BMPER: variants seen among roughly 807,000 people sequenced by gnomAD.
The protein encoded by BMPER is BMP-binding endothelial regulator protein.
Under a neutral mutation model 87.3 loss-of-function variants are expected in BMPER, and 45 were observed. That is an observed-to-expected ratio of 0.52 (90% CI 0.41 to 0.66). The LOEUF is 0.66. Among genes scored for constraint, BMPER ranks in the 30% least tolerant of loss-of-function variants. The probability of loss-of-function intolerance (pLI) is 0.00; values close to 1 mark genes in which losing one functional copy is unlikely to be tolerated. For missense variants in BMPER, 784 were observed against 867.5 expected, an observed-to-expected ratio of 0.90 and a Z score of 1.21; for synonymous variants, 326 against 316.2, an observed-to-expected ratio of 1.03 and a Z score of -0.33.
chr7:34,049,369 T>C (rs1788081676), intron 7 of BMPER, among the ~76,000 whole-genome samples: 1 of 152,178 alleles, frequency 6.6e-6, no homozygotes, highest in Admixed American at 6.5e-5. Context: ...TTTAAGCGAT[T>C]GGTCACATTT....
At chr7:34,139,599 G>T (rs4141792) in intron 13 of BMPER, among the ~76,000 whole-genome samples, 115,092 of 151,558 alleles carry the variant, frequency 0.76, 44,119 homozygotes, top group East Asian at 0.91. Flanking sequence ...AAATTAAGGA[G>T]AACCGCAATC....
At chr7:34,072,024 C>T (rs1256744703) in intron 11 of BMPER, among the ~76,000 whole-genome samples, 1 of 152,140 alleles carries the variant, frequency 6.6e-6, no homozygotes, top group Non-Finnish European at 1.5e-5. Flanking sequence ...GGCCTTGAAG[C>T]CACAGTGTCT....
At chr7:34,104,381 T>A (rs1255334216) in intron 13 of BMPER, among the ~76,000 whole-genome samples, 1 of 152,154 alleles carries the variant, frequency 6.6e-6, no homozygotes, top group Admixed American at 6.5e-5. Flanking sequence ...CACCCCAGCA[T>A]ACGCTGGAGG....
At position 34,053,690 on chromosome 7, in the gene BMPER, A is replaced by G. The variant is rs186012266; in HGVS notation, c.787-1473A>G. ...TTAATAAGTGGAAGTTGATTATCAT[A>G]AAGCTCTTCATCTTCTTTACATTGA... is the stretch of plus-strand genomic sequence containing the variant. On this transcript the variant is annotated intron_variant, in intron 8 of 14. Transcript: ENST00000649409. 1.2e-4 allele frequency among the ~76,000 whole-genome samples: 19 copies of G among 152,376 alleles called. No homozygotes were observed. The East Asian group carries it at 3.7e-3, about 29-fold the overall frequency.
chr7:33,926,257 G>A (rs1784358920), intron 2 of BMPER, among the ~76,000 whole-genome samples: 2 of 152,200 alleles, frequency 1.3e-5, no homozygotes, highest in Non-Finnish European at 2.9e-5. Flanking sequence ...TTAACCTGCA[G>A]AAAAACCCAA....
At chr7:33,933,246 G>T (rs991906156) in intron 2 of BMPER, among the ~76,000 whole-genome samples, 1 of 152,086 alleles carries the variant, frequency 6.6e-6, no homozygotes, top group Admixed American at 6.6e-5. Context: ...TGCCTCCAGA[G>T]GCTACATTTT....
intron 2 of BMPER, among the ~76,000 whole-genome samples, chr7:33,929,881 G>A (rs1041527327): frequency 6.6e-6 from 1 of 152,222 alleles, no homozygotes; most frequent in Non-Finnish European, 1.5e-5. Context: ...TAATAGTTCA[G>A]CAACCTGCCT....
chr7:34,009,346 A>G (rs886622464), intron 6 of BMPER, among the ~76,000 whole-genome samples: 5 of 151,952 alleles, frequency 3.3e-5, no homozygotes, highest in African/African-American at 4.8e-5. Context: ...AGGGGCCACA[A>G]GATTAAATAA....
intron 11 of BMPER, among the ~76,000 whole-genome samples, chr7:34,077,394 G>A (rs1788893151): frequency 6.6e-6 from 1 of 152,150 alleles, no homozygotes; most frequent in South Asian, 2.1e-4. Context: ...GAAAGGAACA[G>A]AAAGGGAGGG....
chr7:34,085,689 T>C (rs1161815012), intron 12 of BMPER, 67 bp from the exon 13 acceptor site: 1 of 1,386,310 alleles, frequency 7.2e-7, no homozygotes, highest in East Asian at 2.4e-5. Context: ...TGTAAGGATG[T>C]ATACATTTGG....
At chr7:33,947,621 G>A (rs966695281) in intron 3 of BMPER, among the ~76,000 whole-genome samples, 6 of 152,112 alleles carry the variant, frequency 3.9e-5, no homozygotes, top group African/African-American at 1.2e-4. Context: ...CCAAAATGAG[G>A]TCAACTGCCC....
intron 14 of BMPER, among the ~76,000 whole-genome samples, chr7:34,144,134 A>T (rs960043588): frequency 3.9e-5 from 6 of 152,286 alleles, no homozygotes; most frequent in Admixed American, 3.9e-4. Flanking sequence ...TACAGATGAT[A>T]TTTCAGCCTA....
chr7:34,099,459 A>C (rs1450938171), intron 13 of BMPER, among the ~76,000 whole-genome samples: 1 of 152,184 alleles, frequency 6.6e-6, no homozygotes, highest in Non-Finnish European at 1.5e-5. Context: ...TTTTCAACAA[A>C]ATTTTCTGTT....
chr7:34,123,503 C>T (rs1790314893), intron 13 of BMPER, among the ~76,000 whole-genome samples: 1 of 152,206 alleles, frequency 6.6e-6, no homozygotes, highest in Non-Finnish European at 1.5e-5. Context: ...ATCTTCTAAG[C>T]TGTGGCCTGG....
At chr7:34,040,689 A>G (rs949649114) in intron 6 of BMPER, among the ~76,000 whole-genome samples, 6 of 152,194 alleles carry the variant, frequency 3.9e-5, no homozygotes, top group Non-Finnish European at 8.8e-5. Flanking sequence ...AGAGGTGAGT[A>G]AAGGTCCTGT....
intron 3 of BMPER, among the ~76,000 whole-genome samples, chr7:33,965,869 CTTT>C (rs551530547): frequency 6.0e-3 from 1 of 168 alleles, no homozygotes; most frequent in African/African-American, 0.019. Context: ...ATAATCCATA[CTTT>C]AGATGGGTAG....
At chr7:34,127,114 G>C (rs894356764) in intron 13 of BMPER, among the ~76,000 whole-genome samples, 4 of 152,202 alleles carry the variant, frequency 2.6e-5, no homozygotes, top group African/African-American at 9.6e-5. Flanking sequence ...GTTGCTGTCA[G>C]CCCTTGTTTT....
chr7:34,065,180 G>GAC (rs1186983696), intron 11 of BMPER, among the ~76,000 whole-genome samples: 4 of 39,064 alleles, frequency 1.0e-4, no homozygotes, highest in Non-Finnish European at 5.6e-5. Context: ...CTCTCTCTCG[G>GAC]ACACACACAC....
Position 34,122,294 on chromosome 7 carries a change from A to T in BMPER, c.1746-20936A>T, listed in dbSNP as rs1457599004. Among the ~76,000 whole-genome samples the T allele has an allele frequency of 3.3e-5, 5 of 152,228 alleles. No homozygotes were observed. The East Asian group carries it at 9.6e-4, about 29-fold the overall frequency. ...TTTCACCTAGCTCCTGGTGATGCTG[A>T]TGCCGGTATTCCGCAAATCATACTT... On this transcript the variant is annotated intron_variant, in intron 13 of 14. Coordinates refer to ENST00000649409, the MANE Select transcript of BMPER (RefSeq NM_001365308.1).
Sources: gnomAD v4.1 joint callset for allele counts (sites outside exome capture counted in the v4.1 genomes callset) on GRCh38, gnomAD v4.1.1 for gene constraint, MANE v1.5 for transcripts, NCBI Gene and HGNC (gene_info 2026-07-23, HGNC 2026-07-21) for gene names.